Variants in TSC22D2 observed in about 807,000 individuals in gnomAD.
The protein encoded by TSC22D2 is TSC22 domain family protein 2.
Under a neutral mutation model 50.1 loss-of-function variants are expected in TSC22D2, and 5 were observed. The observed-to-expected ratio is 0.10, with a 90% CI of 0.05 to 0.21. The LOEUF is 0.21. Among genes scored for constraint, TSC22D2 ranks in the 10% least tolerant of loss-of-function variants. The pLI, the probability that TSC22D2 is intolerant of heterozygous loss-of-function variation, is 1.00. For missense variants in TSC22D2, 1,003 were observed against 1,015.5 expected (o/e 0.99, Z 0.17); for synonymous variants, 501 against 450.1 (o/e 1.11, Z -1.43).
chr3:150,414,792 TCA>T (rs1407593022), intron 1 of TSC22D2, among the ~76,000 whole-genome samples: 1 of 151,884 alleles, frequency 6.6e-6, no homozygotes, highest in Non-Finnish European at 1.5e-5. Context: ...CAGAACTGTC[TCA>T]GTCTTCGACC....
At position 150,459,751 on chromosome 3, in the gene TSC22D2, C is replaced by T. The variant is rs754873204; in HGVS notation, c.*1115C>T. The T allele has an allele frequency of 1.4e-5, 2 of 147,780 alleles. No individual in the cohort carries two copies. Among genetic ancestry groups the T allele is most frequent in the African/African-American group, 2.5e-5 (1 of 39,922 alleles). 9.2% of individuals were successfully genotyped at this position (147,780 alleles called of 1,614,324 possible). A position where few individuals can be genotyped will look rare whatever the true frequency, so the allele number is the denominator to read the frequency against. On this transcript the variant is annotated 3_prime_UTR_variant, in exon 3 of 3. Coordinates refer to ENST00000688009, the MANE Select transcript of TSC22D2 (RefSeq NM_001303264.2). Reference sequence around the variant, plus strand: ...CACTCTTATTGTAATATGTACTAGTCTGTGAACAATGTCAAATAAAAGAGA... The same window carrying T: ...CACTCTTATTGTAATATGTACTAGTTTGTGAACAATGTCAAATAAAAGAGA...
At chr3:150,413,057 C>T (rs1025251533) in intron 1 of TSC22D2, among the ~76,000 whole-genome samples, 5 of 152,116 alleles carry the variant, frequency 3.3e-5, no homozygotes, top group African/African-American at 1.2e-4. Flanking sequence ...GTGCACACCT[C>T]TCTCAGTTTA....
intron 1 of TSC22D2, among the ~76,000 whole-genome samples, chr3:150,448,377 C>T (rs1475961928): frequency 6.6e-6 from 1 of 152,006 alleles, no homozygotes; most frequent in African/African-American, 2.4e-5. Context: ...GCTTGGGTGA[C>T]TGCGACTGAA....
Position 150,460,284 on chromosome 3 carries a change from C to A in TSC22D2, c.*1648C>A, listed in dbSNP as rs962110671. On this transcript the variant is annotated 3_prime_UTR_variant, in exon 3 of 3. Transcript: ENST00000688009. The stretch of plus-strand genomic sequence containing the variant: ...GTGAGCAATATTTGTACTCAATATT[C>A]ATATTATGTTAGTGATACTTAAGTA... The A allele has an allele frequency of 6.6e-6, 1 of 152,112 alleles. No individual in the cohort carries two copies. Among genetic ancestry groups the A allele is most frequent in the African/African-American group, 2.4e-5 (1 of 41,422 alleles). The allele number at this position is 152,112 out of a possible 1,614,324, so 9.4% of individuals were successfully genotyped here.
chr3:150,458,825 C>A lies in TSC22D2; in HGVS notation c.*189C>A. On this transcript the variant is annotated 3_prime_UTR_variant, in exon 3 of 3. Transcript: ENST00000688009. ...GATGTCATGCAGCGCTGTTGATGTC[C>A]AGTTCTATGTCATCAGTACACAAGG... is the stretch of plus-strand genomic sequence containing the variant. 2 of 671,914 alleles carry A rather than the reference C, an allele frequency of 3.0e-6. No individual in the cohort carries two copies. Among genetic ancestry groups the A allele is most frequent in the Non-Finnish European group, 5.0e-6 (2 of 400,498 alleles). 41.6% of individuals were successfully genotyped at this position (671,914 alleles called of 1,614,324 possible). A position where few individuals can be genotyped will look rare whatever the true frequency, so the allele number is the denominator to read the frequency against.
At chr3:150,452,770 GTAAA>G (rs1266127773) in intron 1 of TSC22D2, among the ~76,000 whole-genome samples, 1 of 152,134 alleles carries the variant, frequency 6.6e-6, no homozygotes, top group African/African-American at 2.4e-5. Flanking sequence ...AGCAATTCCA[GTAAA>G]TAAATATTTT....
At chr3:150,434,385 A>G (rs1576549805) in intron 1 of TSC22D2, among the ~76,000 whole-genome samples, 1 of 151,952 alleles carries the variant, frequency 6.6e-6, no homozygotes, top group Non-Finnish European at 1.5e-5. Flanking sequence ...CAAGTGATCC[A>G]CCCTGCCCTG....
chr3:150,441,311 T>A (rs961637314), intron 1 of TSC22D2, among the ~76,000 whole-genome samples: 2 of 152,204 alleles, frequency 1.3e-5, no homozygotes, highest in African/African-American at 4.8e-5. Flanking sequence ...TAGTTAAAAC[T>A]AAAGCTAATA....
intron 1 of TSC22D2, among the ~76,000 whole-genome samples, chr3:150,437,509 G>GGA (rs1720583530): frequency 2.0e-5 from 3 of 151,892 alleles, no homozygotes; most frequent in African/African-American, 4.8e-5. Context: ...CATGCTATAA[G>GGA]TCTAGAAACT....
At chr3:150,427,376 G>C (rs1028313026) in intron 1 of TSC22D2, among the ~76,000 whole-genome samples, 1 of 151,798 alleles carries the variant, frequency 6.6e-6, no homozygotes, top group African/African-American at 2.4e-5. Context: ...TTTCTAATGT[G>C]TTATATATGT....
intron 1 of TSC22D2, among the ~76,000 whole-genome samples, chr3:150,450,136 A>G (rs951318579): frequency 2.0e-5 from 3 of 152,144 alleles, no homozygotes; most frequent in Non-Finnish European, 2.9e-5. Context: ...TATAGATTGC[A>G]TGCTCTTTAA....
At chr3:150,437,808 AAAAT>A (rs756029374) in intron 1 of TSC22D2, among the ~76,000 whole-genome samples, 1 of 151,792 alleles carries the variant, frequency 6.6e-6, no homozygotes. Flanking sequence ...ACTCCGTCTC[AAAAT>A]AAATAAATAA....
In TSC22D2 at chr3:150,462,690, G is replaced by C. The variant is rs1721452519; in HGVS notation, c.*4054G>C. On this transcript the variant is annotated 3_prime_UTR_variant, in exon 3 of 3. Transcript: ENST00000688009. ...CTTGCTGTGCTCAGGCTGGAGTGCA[G>C]TGGCAAGATCTCGGCTCACTGCAAC... 1 of 146,942 alleles carries C rather than the reference G, an allele frequency of 6.8e-6. No individual in the cohort carries two copies. The highest frequency in any genetic ancestry group is 2.1e-4 in the South Asian group (1 of 4,696). 9.1% of individuals were successfully genotyped at this position (146,942 alleles called of 1,614,324 possible). A position where few individuals can be genotyped will look rare whatever the true frequency, so the allele number is the denominator to read the frequency against.
At position 150,431,487 on chromosome 3, in the gene TSC22D2, CTTAA is replaced by C. The variant is rs1257482177; in HGVS notation, c.1958+20184_1958+20187del. On this transcript the variant is annotated intron_variant, in intron 1 of 2. Coordinates refer to ENST00000688009, the MANE Select transcript of TSC22D2 (RefSeq NM_001303264.2). Reference sequence around the variant, plus strand: ...AGCCAGTATAGGTTCACCAATTATACTTAATTAAACAGTTGTCTTTTTCCCTTCC... The same window carrying C: ...AGCCAGTATAGGTTCACCAATTATACTTAAACAGTTGTCTTTTTCCCTTCC... Among the ~76,000 whole-genome samples, 11 of 152,004 alleles carry C rather than the reference CTTAA, an allele frequency of 7.2e-5. No homozygotes were observed. In the South Asian group the frequency reaches 8.3e-4, roughly 11 times the overall value.
intron 1 of TSC22D2, among the ~76,000 whole-genome samples, chr3:150,455,151 G>A (rs1258605808): frequency 6.6e-6 from 1 of 152,150 alleles, no homozygotes. Context: ...AATATAGAAA[G>A]TATAATCTGG....
chr3:150,429,407 T>G (rs1052596149), intron 1 of TSC22D2, among the ~76,000 whole-genome samples: 1 of 152,112 alleles, frequency 6.6e-6, no homozygotes, highest in Non-Finnish European at 1.5e-5. Context: ...CATTACAGAC[T>G]GACTGGCAGA....
intron 1 of TSC22D2, among the ~76,000 whole-genome samples, chr3:150,447,342 A>T (rs1236246278): frequency 6.6e-6 from 1 of 152,048 alleles, no homozygotes; most frequent in African/African-American, 2.4e-5. Context: ...TTGTCTTTTC[A>T]TTGTTTATGC....
chr3:150,429,794 T>C (rs1252341206), intron 1 of TSC22D2, among the ~76,000 whole-genome samples: 1 of 152,158 alleles, frequency 6.6e-6, no homozygotes, highest in East Asian at 1.9e-4. Context: ...CAATACGTGT[T>C]TGTCCCCAAT....
At chr3:150,436,971 G>A (rs985448127) in intron 1 of TSC22D2, among the ~76,000 whole-genome samples, 18 of 151,996 alleles carry the variant, frequency 1.2e-4, no homozygotes, top group Non-Finnish European at 2.2e-4. Flanking sequence ...AGCTTTATGC[G>A]TATTGATCAT....
Sources: gnomAD v4.1 joint callset for allele counts (sites outside exome capture counted in the v4.1 genomes callset) on GRCh38, gnomAD v4.1.1 for gene constraint, MANE v1.5 for transcripts, NCBI Gene and HGNC (gene_info 2026-07-23, HGNC 2026-07-21) for gene names.